PROM2: variants seen among roughly 807,000 people sequenced by gnomAD.
PROM2 encodes the protein prominin 2, also known as prominin-2.
PROM2 carries 90 observed loss-of-function variants against 110.2 expected under a neutral mutation model. The ratio of observed to expected loss-of-function variants is 0.82; its 90% confidence interval spans 0.69 to 0.97. The LOEUF (loss-of-function observed/expected upper bound fraction) is 0.97, where lower values mean the gene tolerates loss of function less well. PROM2 is among the 50% of genes least tolerant of loss of function. The pLI is 0.00. For missense variants in PROM2, 1,009 were observed against 1,074.8 expected, an observed-to-expected ratio of 0.94 and a Z score of 0.86; for synonymous variants, 470 against 467.8, an observed-to-expected ratio of 1.00 and a Z score of -0.06.
chr2:95,279,084 AG>A lies in PROM2; in HGVS notation c.1216del (p.Glu406ArgfsTer124), dbSNP rs574023344. 169 of 1,476,698 alleles carry A rather than the reference AG, an allele frequency of 1.1e-4. No individual in the cohort carries two copies. In the East Asian group the frequency reaches 4.4e-3, roughly 39 times the overall value. 91.5% of individuals were successfully genotyped at this position (1,476,698 alleles called of 1,614,324 possible). A position where few individuals can be genotyped will look rare whatever the true frequency, so the allele number is the denominator to read the frequency against. ...EAASRWAQALQEVEESSRPYL... is the reference protein window; with the variant it reads ...EAASRWAQALXEVEESSRPYL... ...GCTTCCCGCTGGGCCCAGGCACTGCAGGAGGTGGAGGAGAGCAGCCGCCCCT... is the reference window on the plus strand; with the variant it reads ...GCTTCCCGCTGGGCCCAGGCACTGCAGAGGTGGAGGAGAGCAGCCGCCCCT... On this transcript the variant is annotated frameshift_variant, in exon 10 of 24. Transcript: ENST00000317620. LOFTEE classifies it high-confidence loss of function.
rs145987409 is a variant in PROM2 at position 95,277,548 on chromosome 2, G to A, written c.957G>A (p.Leu319=). The A allele has an allele frequency of 8.1e-4, 1,291 of 1,585,114 alleles. 10 individuals are homozygous for A. The African/African-American group carries it at 0.016, about 19-fold the overall frequency. The change falls in exon 7 of 24, where the codon CTG becomes CTA. Residue 319 remains leucine, a synonymous_variant. Coordinates refer to ENST00000317620, the MANE Select transcript of PROM2 (RefSeq NM_001165978.3). ...GALSWARTLE[L]GADFSQVPSV... ...TGAGCTGGGCCCGCACCCTGGAGCT[G>A]GGTGCTGACTTCAGCCAGGTGCAGA...
rs1677365923 is a variant in PROM2, at chr2:95,286,546, A to C, written c.2015A>C (p.Lys672Thr). The C allele has an allele frequency of 1.9e-6, 3 of 1,613,550 alleles. No homozygotes were observed. Among genetic ancestry groups the C allele is most frequent in the Admixed American group, 1.7e-5 (1 of 59,988 alleles). Residue 672 changes from lysine to threonine, a missense_variant, in exon 17 of 24, where the codon AAG becomes ACG. Physicochemically the swap from Lys to Thr is moderately conservative, Grantham distance 78. Transcript: ENST00000317620. ...GGACTCAGAAACCTTCACCAGGAGA[A>C]GGTCGTCCCCCAGCAGAGCCTTGTG... ...AQGLRNLHQEKVVPQQSLVAK... is the reference protein window; with the variant it reads ...AQGLRNLHQETVVPQQSLVAK...
intron 15 of PROM2, 125 bp from the exon 16 acceptor site, chr2:95,285,514 C>T: frequency 2.8e-6 from 2 of 725,370 alleles, no homozygotes; most frequent in Non-Finnish European, 4.6e-6. Context: ...ACTGATGTGT[C>T]ACAATACACT....
intron 20 of PROM2, 101 bp from the exon 21 acceptor site, chr2:95,288,110 C>A (rs774098283): frequency 1.3e-5 from 15 of 1,168,140 alleles, no homozygotes; most frequent in Non-Finnish European, 1.8e-5. Context: ...TGTCCCCAGG[C>A]CTTTCTGTGT....
Position 95,279,105 on chromosome 2 carries a change from G to GC in PROM2, c.1239dup (p.Tyr414LeufsTer104). On this transcript the variant is annotated frameshift_variant, in exon 10 of 24. Transcript: ENST00000317620. LOFTEE classifies it high-confidence loss of function. ...CTGCAGGAGGTGGAGGAGAGCAGCC[G>GC]CCCCTACCTGCAGGAGGTGCAGAGA... 7.5e-7 allele frequency: 1 copy of GC among 1,338,052 alleles called. No individual in the cohort carries two copies. The highest frequency in any genetic ancestry group is 9.8e-7 in the Non-Finnish European group (1 of 1,016,590). 82.9% of individuals were successfully genotyped at this position (1,338,052 alleles called of 1,614,324 possible). A position where few individuals can be genotyped will look rare whatever the true frequency, so the allele number is the denominator to read the frequency against.
At chr2:95,278,490 C>T in intron 8 of PROM2, 1 of 606,660 alleles carries the variant, frequency 1.6e-6, no homozygotes, top group Middle Eastern at 2.9e-4. Flanking sequence ...GAGTTCACTG[C>T]AATGGTGGGA....
rs377396030 is a variant in PROM2, at chr2:95,276,867, C to T, written c.683-105C>T. The T allele has an allele frequency of 7.0e-6, 9 of 1,291,542 alleles. No homozygotes were observed. In the East Asian group the frequency reaches 1.3e-4, roughly 18 times the overall value. The allele number at this position is 1,291,542 out of a possible 1,614,324, so 80.0% of individuals were successfully genotyped here. ...CCCGCTCCTTCACTCCCCTCCACCC[C>T]CCGGCTCCTGCAGAGCCCGGTGGGG... On this transcript the variant is annotated intron_variant, in intron 5 of 23. Coordinates refer to ENST00000317620, the MANE Select transcript of PROM2 (RefSeq NM_001165978.3). This position sits in a 1 kb window ranked among gnomAD's most constrained non-coding sequence, Gnocchi z 4.6.
At chr2:95,288,678 G>A in intron 22 of PROM2, 89 bp downstream of exon 22, 13 of 1,156,364 alleles carry the variant, frequency 1.1e-5, no homozygotes, top group Non-Finnish European at 1.4e-5. Context: ...CCCCTCCTGA[G>A]ACCTCCCAGG....
rs1209641760 is a variant in PROM2, at chr2:95,274,744, A to G, written c.159A>G (p.Arg53=). The G allele has an allele frequency of 2.5e-6, 4 of 1,611,216 alleles. No individual in the cohort carries two copies. In the Admixed American group the frequency reaches 6.7e-5, roughly 27 times the overall value. The change falls in exon 1 of 24, where the codon CGA becomes CGG. Residue 53 remains arginine, a synonymous_variant. Transcript: ENST00000317620. Reference sequence around the variant, plus strand: ...CCAGGGCCCGGTGGCTGGCCCCTCGAGTTCGTGCGCCAGGACTCCTGGACT... The same window carrying G: ...CCAGGGCCCGGTGGCTGGCCCCTCGGGTTCGTGCGCCAGGACTCCTGGACT... The part of the protein sequence containing the change: ...PAARARWLAP[R]VRAPGLLDSL...
Position 95,278,451 on chromosome 2 carries a change from G to T in PROM2, c.1051-270G>T, listed in dbSNP as rs1676810952. The T allele has an allele frequency of 8.6e-6, 5 of 578,288 alleles. No homozygotes were observed. The South Asian group carries it at 1.0e-4, about 12-fold the overall frequency. 35.8% of individuals were successfully genotyped at this position (578,288 alleles called of 1,614,324 possible). On this transcript the variant is annotated intron_variant, in intron 8 of 23. Transcript: ENST00000317620. ...ACTGGAGCTGGACCTTCAGGAGCTAGACCTGGCAGTTGTGTGGAGGGCGGC... is the reference window on the plus strand; with the variant it reads ...ACTGGAGCTGGACCTTCAGGAGCTATACCTGGCAGTTGTGTGGAGGGCGGC...
chr2:95,277,225 C>A, intron 6 of PROM2, 139 bp from the exon 7 acceptor site: 1 of 1,159,340 alleles, frequency 8.6e-7, no homozygotes. Flanking sequence ...GCTTAATGTG[C>A]CCTGGGGCAG....
At position 95,287,079 on chromosome 2, in the gene PROM2, A is replaced by G. The variant is rs1677405338; in HGVS notation, c.2095-54A>G. ...AGTGTGCTGTGGTGTGTGTTGAATT[A>G]ATGAATGGATGCGTGAATGTGGGAC... On this transcript the variant is annotated intron_variant, in intron 18 of 23. Coordinates refer to ENST00000317620, the MANE Select transcript of PROM2 (RefSeq NM_001165978.3). 1.6e-5 allele frequency: 24 copies of G among 1,512,244 alleles called. No individual in the cohort carries two copies. The South Asian group carries it at 2.5e-4, about 16-fold the overall frequency. 93.7% of individuals were successfully genotyped at this position (1,512,244 alleles called of 1,614,324 possible).
At chr2:95,284,501 CAA>C (rs778439045) in intron 14 of PROM2, among the ~76,000 whole-genome samples, 3 of 136,482 alleles carry the variant, frequency 2.2e-5, no homozygotes, top group African/African-American at 5.4e-5. Flanking sequence ...CTTCCCCAAC[CAA>C]AAAAAAAAAA....
At chr2:95,288,630 G>A (rs1304867868) in intron 22 of PROM2, 41 bp downstream of exon 22, 4 of 1,557,064 alleles carry the variant, frequency 2.6e-6, no homozygotes, top group Non-Finnish European at 3.5e-6. Flanking sequence ...CAGGGGCCAG[G>A]GAGGTGTCCT....
chr2:95,282,611 G>A (rs1411867085), intron 14 of PROM2, among the ~76,000 whole-genome samples: 4 of 152,206 alleles, frequency 2.6e-5, no homozygotes, highest in African/African-American at 7.2e-5. Flanking sequence ...TCTGGCTAAC[G>A]TTGGTGGAGG....
chr2:95,277,157 T>A, intron 6 of PROM2, 96 bp downstream of exon 6: 5 of 1,244,506 alleles, frequency 4.0e-6, no homozygotes, highest in Non-Finnish European at 5.6e-6. Context: ...CTGAGCCACC[T>A]CTGCCCCACC....
chr2:95,287,557 TG>T, intron 20 of PROM2, 93 bp downstream of exon 20: 1 of 1,309,910 alleles, frequency 7.6e-7, no homozygotes, highest in African/African-American at 1.5e-5. Context: ...CGGAGCCCCT[TG>T]GGGGTGACCC....
intron 14 of PROM2, among the ~76,000 whole-genome samples, chr2:95,284,744 A>G (rs559365393): frequency 1.3e-5 from 2 of 152,348 alleles, no homozygotes; most frequent in East Asian, 1.9e-4. Context: ...CACTCATCAC[A>G]TGGCAATGGC....
At chr2:95,279,184 G>T in intron 10 of PROM2, 40 bp downstream of exon 10, 1 of 1,021,792 alleles carries the variant, frequency 9.8e-7, no homozygotes, top group Non-Finnish European at 1.4e-6. Context: ...GGGGTGGGGT[G>T]GGCAGCCCAG....
Sources: allele counts gnomAD v4.1 joint callset (sites outside exome capture counted in the v4.1 genomes callset), GRCh38; gene constraint gnomAD v4.1.1; non-coding constraint Gnocchi (gnomAD v3.1); transcripts MANE v1.5; gene names NCBI Gene and HGNC (gene_info 2026-07-23, HGNC 2026-07-21).